NBN: variants seen among roughly 807,000 people sequenced by gnomAD.
The protein encoded by NBN is nibrin, also known as Nijmegen breakage syndrome 1 (nibrin).
Under a neutral mutation model 90.8 loss-of-function variants are expected in NBN, and 88 were observed. The observed-to-expected ratio is 0.97, with a 90% confidence interval of 0.82 to 1.16. The LOEUF is 1.16. NBN is among the 50% of genes most tolerant of loss of function. NBN has a pLI of 0.00. For synonymous variants in NBN, 328 were observed against 295.1 expected, an observed-to-expected ratio of 1.11 and a Z score of -1.14; for missense variants, 894 against 869.6, an observed-to-expected ratio of 1.03 and a Z score of -0.35.
intron 5 of NBN, among the ~76,000 whole-genome samples, chr8:89,977,013 TA>T (rs1368706742): frequency 6.6e-6 from 1 of 152,136 alleles, no homozygotes; most frequent in Non-Finnish European, 1.5e-5. Context: ...CAAAACACAT[TA>T]AAATTAGCAA....
At chr8:89,978,584 G>C (rs1264240903) in intron 4 of NBN, among the ~76,000 whole-genome samples, 1 of 152,022 alleles carries the variant, frequency 6.6e-6, no homozygotes, top group Admixed American at 6.6e-5. Flanking sequence ...TTTTAAAACT[G>C]CTTTTTTGGA....
chr8:89,954,536 A>C (rs1222432712), intron 10 of NBN, among the ~76,000 whole-genome samples: 1 of 141,670 alleles, frequency 7.1e-6, no homozygotes, highest in Non-Finnish European at 1.6e-5. Context: ...CTATTTTACT[A>C]AAAAAAAAAA....
chr8:89,967,722 T>C (rs1242153782), intron 7 of NBN, among the ~76,000 whole-genome samples: 3 of 152,138 alleles, frequency 2.0e-5, no homozygotes, highest in Non-Finnish European at 4.4e-5. Context: ...CCCCTAGACT[T>C]CTAATCTTCT....
Position 89,958,688 on chromosome 8 carries a change from G to C in NBN, c.1124+37C>G, listed in dbSNP as rs577575764. 5.8e-4 allele frequency: 931 copies of C among 1,598,358 alleles called. 19 individuals carry two copies. The South Asian group carries it at 9.7e-3, about 17-fold the overall frequency. ...TGAATATACTATTAATTTATTGATAGAATAATAACAATAGTACGGTAATGA... is the reference window on the plus strand; with the variant it reads ...TGAATATACTATTAATTTATTGATACAATAATAACAATAGTACGGTAATGA... On this transcript the variant is annotated intron_variant, in intron 9 of 15. Coordinates refer to ENST00000265433, the MANE Select transcript of NBN (RefSeq NM_002485.5).
rs764884516 is a variant in NBN, at chr8:89,953,604, AG to A, written c.1484del (p.Pro495LeufsTer34). The A allele has an allele frequency of 6.2e-7, 1 of 1,613,470 alleles. No individual in the cohort carries two copies. The highest frequency in any genetic ancestry group is 1.3e-5 in the African/African-American group (1 of 74,914). On this transcript the variant is annotated frameshift_variant, in exon 11 of 16. Transcript: ENST00000265433. LOFTEE classifies it high-confidence loss of function. ...TSCSLLEQTQ[P>X]ATPSLWKNKE... The stretch of plus-strand genomic sequence containing the variant: ...TATTTTTCCACAATGAGGGTGTAGC[AG>A]GTTGTGTTTGTTCTAAAAGAGAACA...
chr8:89,984,403 T>A, intron 1 of NBN, 122 bp downstream of exon 1: 1 of 934,378 alleles, frequency 1.1e-6, no homozygotes, highest in Non-Finnish European at 1.7e-6. Context: ...TCGCCGCTTC[T>A]GCGACCGCTT....
intron 14 of NBN, among the ~76,000 whole-genome samples, chr8:89,942,591 G>A (rs1586033796): frequency 6.6e-6 from 1 of 151,936 alleles, no homozygotes; most frequent in Non-Finnish European, 1.5e-5. Flanking sequence ...AAAACAGCAA[G>A]GAACAAGAAG....
chr8:89,958,836 G>A lies in NBN; in HGVS notation c.1013C>T (p.Pro338Leu), dbSNP rs2129746873. The A allele has an allele frequency of 1.2e-6, 2 of 1,613,722 alleles. No homozygotes were observed. Reference sequence around the variant, plus strand: ...CACGCCTTGTGAAAGGCTTGGTCCTGGAGTTGTTGTCTTTAATCCTGTAAA... The same window carrying A: ...CACGCCTTGTGAAAGGCTTGGTCCTAGAGTTGTTGTCTTTAATCCTGTAAA... The part of the protein sequence containing the change: ...HPSTGLKTTT[P>L]GPSLSQGVSV... Residue 338 changes from proline (P) to leucine (L), a missense_variant, in exon 9 of 16, where the codon CCA (proline) becomes CTA (leucine). Transcript: ENST00000265433.
Position 89,981,535 on chromosome 8 carries a change from G to C in NBN, c.172-12C>G, listed in dbSNP as rs1363297893. On this transcript the variant is annotated splice_polypyrimidine_tract_variant and intron_variant, in intron 2 of 15. Transcript: ENST00000265433. ...TCATCTGTTTGACTCTGAAAAGTTA[G>C]CAAATAATTTAAAGTCTTTTACCAC... is the stretch of plus-strand genomic sequence containing the variant. 2.5e-6 allele frequency: 4 copies of C among 1,612,002 alleles called. No homozygotes were observed. Among genetic ancestry groups the C allele is most frequent in the Admixed American group, 1.7e-5 (1 of 59,988 alleles).
intron 7 of NBN, among the ~76,000 whole-genome samples, chr8:89,969,538 A>G (rs1811407932): frequency 6.6e-6 from 1 of 152,254 alleles, no homozygotes; most frequent in African/African-American, 2.4e-5. Flanking sequence ...AAATTCTATT[A>G]AAGTAACAAA....
chr8:89,945,334 A>G (rs1810137690), intron 13 of NBN, among the ~76,000 whole-genome samples: 1 of 152,192 alleles, frequency 6.6e-6, no homozygotes, highest in African/African-American at 2.4e-5. Context: ...TAAGTAGAAG[A>G]GATTCTTCCC....
rs371204291 is a variant in NBN, at chr8:89,980,714, G to C, written c.480+20C>G. ...TTCAAATAACTTATTTTTAACATAA[G>C]AACAAGACATTCAACCTACTTTAAT... is the stretch of plus-strand genomic sequence containing the variant. On this transcript the variant is annotated intron_variant, in intron 4 of 15. Transcript: ENST00000265433. The C allele has an allele frequency of 4.4e-6, 7 of 1,593,118 alleles. No homozygotes were observed. In the African/African-American group the frequency reaches 8.1e-5, roughly 18 times the overall value.
chr8:89,966,737 A>G (rs1469218700), intron 7 of NBN, among the ~76,000 whole-genome samples: 2 of 152,236 alleles, frequency 1.3e-5, no homozygotes, highest in Non-Finnish European at 2.9e-5. Context: ...ATGCTTCCGA[A>G]GAAGAGCAAA....
At chr8:89,958,309 T>G (rs1810824223) in intron 9 of NBN, among the ~76,000 whole-genome samples, 1 of 152,242 alleles carries the variant, frequency 6.6e-6, no homozygotes, top group African/African-American at 2.4e-5. Context: ...ACCCCTGGGC[T>G]ATCTATACTA....
chr8:89,938,967 A>T (rs1202901628), intron 14 of NBN, among the ~76,000 whole-genome samples: 1 of 152,188 alleles, frequency 6.6e-6, no homozygotes, highest in African/African-American at 2.4e-5. Flanking sequence ...TTTCAGTAAA[A>T]ACATATAAAA....
rs1184149116 is a variant in NBN at position 89,935,555 on chromosome 8, TC to T, written c.*26del. The T allele has an allele frequency of 6.2e-7, 1 of 1,610,604 alleles. No homozygotes were observed. The highest frequency in any genetic ancestry group is 8.5e-7 in the Non-Finnish European group (1 of 1,177,750). ...AAGTAGATGCTTACTAGGAAGTTTT[TC>T]CATGGCTTCTTTTTAAAATCCTCAG... On this transcript the variant is annotated 3_prime_UTR_variant, in exon 16 of 16. Transcript: ENST00000265433.
chr8:89,953,906 C>CT (rs1810576933), intron 10 of NBN, among the ~76,000 whole-genome samples: 1 of 152,096 alleles, frequency 6.6e-6, no homozygotes, highest in African/African-American at 2.4e-5. Flanking sequence ...GACCCTGTGG[C>CT]TAAAGCAGTA....
intron 5 of NBN, among the ~76,000 whole-genome samples, chr8:89,975,641 G>T (rs920263349): frequency 2.0e-5 from 3 of 152,124 alleles, no homozygotes; most frequent in Non-Finnish European, 2.9e-5. Context: ...TTGTATAGTC[G>T]TCATGTACAT....
intron 10 of NBN, among the ~76,000 whole-genome samples, chr8:89,954,269 C>G (rs972704605): frequency 1.2e-4 from 18 of 152,244 alleles, no homozygotes; most frequent in African/African-American, 4.1e-4. Context: ...ACACAAAGAC[C>G]TGGGACTCTG....
Sources: allele counts gnomAD v4.1 joint callset (sites outside exome capture counted in the v4.1 genomes callset), GRCh38; gene constraint gnomAD v4.1.1; transcripts MANE v1.5; gene names NCBI Gene and HGNC (gene_info 2026-07-23, HGNC 2026-07-21).